MDGA2: variants seen among roughly 807,000 people sequenced by gnomAD.
MDGA2 encodes the protein MAM domain containing glycosylphosphatidylinositol anchor 2.
In MDGA2, 40 loss-of-function variants were observed where a neutral mutation model predicts 117.8. The observed-to-expected ratio is 0.34, with a 90% CI of 0.26 to 0.44. The LOEUF (loss-of-function observed/expected upper bound fraction) is 0.44. MDGA2 is among the 20% of genes least tolerant of loss of function. The pLI is 1.00. For synonymous variants in MDGA2, 452 were observed against 439.0 expected, an observed-to-expected ratio of 1.03 and a Z score of -0.37; for missense variants, 1,123 against 1,250.6, an observed-to-expected ratio of 0.90 and a Z score of 1.54.
intron 8 of MDGA2, among the ~76,000 whole-genome samples, chr14:46,992,085 G>T (rs1887112528): frequency 6.6e-6 from 1 of 152,074 alleles, no homozygotes; most frequent in Non-Finnish European, 1.5e-5. Context: ...TCTGTCAAAA[G>T]ATCAAAACTA....
intron 2 of MDGA2, among the ~76,000 whole-genome samples, chr14:47,243,975 A>G (rs926754917): frequency 1.3e-5 from 2 of 151,876 alleles, no homozygotes; most frequent in African/African-American, 4.8e-5. Context: ...TAGCTTAATA[A>G]TTCTAAAATT....
chr14:47,643,065 C>T (rs781311875), intron 1 of MDGA2, among the ~76,000 whole-genome samples: 2 of 151,974 alleles, frequency 1.3e-5, no homozygotes, highest in Non-Finnish European at 2.9e-5. Flanking sequence ...TGTAAGCATT[C>T]GCTATTAGCA....
At chr14:46,850,161 A>G (rs2138285142) in intron 15 of MDGA2, among the ~76,000 whole-genome samples, 1 of 152,026 alleles carries the variant, frequency 6.6e-6, no homozygotes, top group South Asian at 2.1e-4. Context: ...ATTCTAAAAA[A>G]TTAATGTGGA....
chr14:47,171,333 C>T (rs1884124038), intron 3 of MDGA2, among the ~76,000 whole-genome samples: 1 of 151,954 alleles, frequency 6.6e-6, no homozygotes, highest in African/African-American at 2.4e-5. Context: ...TATATAAATT[C>T]TTAACTGAAT....
intron 1 of MDGA2, among the ~76,000 whole-genome samples, chr14:47,629,551 G>C (rs1343509890): frequency 6.6e-6 from 1 of 152,182 alleles, no homozygotes; most frequent in Non-Finnish European, 1.5e-5. Context: ...CAGAGAGTAA[G>C]TACTGGAGAA....
intron 2 of MDGA2, among the ~76,000 whole-genome samples, chr14:47,260,929 G>A (rs1040178973): frequency 2.6e-5 from 4 of 151,982 alleles, no homozygotes; most frequent in African/African-American, 9.7e-5. Context: ...GATTATATTT[G>A]GCTTTAATAT....
At position 47,136,410 on chromosome 14, in the gene MDGA2, T is replaced by G. The variant is rs935773694; in HGVS notation, c.793-4564A>C. 3.7e-4 allele frequency among the ~76,000 whole-genome samples: 56 copies of G among 152,060 alleles called. 1 individual carries two copies. Among genetic ancestry groups the G allele is most frequent in the Non-Finnish European group, 1.5e-4 (10 of 68,012 alleles). Reference sequence around the variant, plus strand: ...CGGGATTTCACCATATTGACCAGGCTGGTCTGGAACTCCTGGCCTCAAGTG... The same window carrying G: ...CGGGATTTCACCATATTGACCAGGCGGGTCTGGAACTCCTGGCCTCAAGTG... On this transcript the variant is annotated intron_variant, in intron 4 of 16. Transcript: ENST00000399232.
chr14:46,982,245 C>G (rs1445300207), intron 8 of MDGA2, among the ~76,000 whole-genome samples: 1 of 152,088 alleles, frequency 6.6e-6, no homozygotes, highest in Non-Finnish European at 1.5e-5. Context: ...TATAATTTAT[C>G]TTCCAAACTG....
chr14:47,059,066 T>C (rs908752407), intron 7 of MDGA2: 2 of 1,011,750 alleles, frequency 2.0e-6, no homozygotes, highest in Middle Eastern at 4.8e-4. Flanking sequence ...AGTAGGGAAT[T>C]ACAATAAGGG....
At chr14:47,510,251 C>T (rs1051929685) in intron 1 of MDGA2, among the ~76,000 whole-genome samples, 51 of 152,078 alleles carry the variant, frequency 3.4e-4, no homozygotes, top group Non-Finnish European at 2.9e-5. Flanking sequence ...AGAGCCCTCA[C>T]CAGAAACCAT....
intron 2 of MDGA2, among the ~76,000 whole-genome samples, chr14:47,295,934 A>G (rs534190658): frequency 0.071 from 3,641 of 51,168 alleles, 76 homozygotes; most frequent in Non-Finnish European, 0.091. Context: ...AGATGATAAG[A>G]TAGATAGATA....
intron 2 of MDGA2, among the ~76,000 whole-genome samples, chr14:47,296,504 T>C (rs28393311): frequency 0.032 from 4,922 of 152,168 alleles, 83 homozygotes; most frequent in African/African-American, 0.046. Context: ...AACCAGTAAA[T>C]AGAGATGTAC....
chr14:47,395,812 G>T (rs1891995319), intron 1 of MDGA2, among the ~76,000 whole-genome samples: 1 of 152,036 alleles, frequency 6.6e-6, no homozygotes, highest in Non-Finnish European at 1.5e-5. Context: ...TATAAAAACA[G>T]TATAGTCACC....
At chr14:47,191,262 T>C (rs1885101305) in intron 3 of MDGA2, among the ~76,000 whole-genome samples, 1 of 151,726 alleles carries the variant, frequency 6.6e-6, no homozygotes, top group Non-Finnish European at 1.5e-5. Flanking sequence ...TACCATAATG[T>C]TCTTACATAT....
intron 1 of MDGA2, among the ~76,000 whole-genome samples, chr14:47,595,141 C>T (rs906405542): frequency 2.6e-5 from 4 of 151,674 alleles, no homozygotes; most frequent in Non-Finnish European, 2.9e-5. Flanking sequence ...AGTTTGCATA[C>T]TATAAAGGCC....
intron 10 of MDGA2, among the ~76,000 whole-genome samples, chr14:46,911,564 G>A (rs1883705993): frequency 6.6e-6 from 1 of 152,174 alleles, no homozygotes; most frequent in Admixed American, 6.6e-5. Flanking sequence ...AACTGAAAAT[G>A]ATAAAGCTAA....
chr14:47,409,892 C>T lies in MDGA2; in HGVS notation c.281-108342G>A, dbSNP rs191866334. 1.5e-4 allele frequency among the ~76,000 whole-genome samples: 23 copies of T among 152,172 alleles called. No homozygotes were observed. The South Asian group carries it at 1.7e-3, about 11-fold the overall frequency. The stretch of plus-strand genomic sequence containing the variant: ...GTGGACCAATTCAATAAGAAAAAAA[C>T]GTGAGCAGTGACACCATGTTCACAT... On this transcript the variant is annotated intron_variant, in intron 1 of 16. Transcript: ENST00000399232.
intron 1 of MDGA2, among the ~76,000 whole-genome samples, chr14:47,392,464 C>T (rs1891918443): frequency 6.6e-6 from 1 of 152,088 alleles, no homozygotes; most frequent in Non-Finnish European, 1.5e-5. Context: ...GCAAGTAGGC[C>T]TTTGAGTCCT....
chr14:47,120,505 C>T (rs1594643167), intron 5 of MDGA2, among the ~76,000 whole-genome samples: 1 of 152,202 alleles, frequency 6.6e-6, no homozygotes, highest in East Asian at 1.9e-4. Flanking sequence ...TACTAAACAA[C>T]TAGACATACC....
Sources: gnomAD v4.1 joint callset for allele counts (sites outside exome capture counted in the v4.1 genomes callset) on GRCh38, gnomAD v4.1.1 for gene constraint, MANE v1.5 for transcripts, NCBI Gene and HGNC (gene_info 2026-07-23, HGNC 2026-07-21) for gene names.